SASS6: variants seen among roughly 807,000 people sequenced by gnomAD.
SASS6 encodes the protein spindle assembly abnormal protein 6 homolog.
SASS6 carries 59 observed loss-of-function variants against 94.9 expected under a neutral mutation model. The observed-to-expected ratio is 0.62, with a 90% CI of 0.50 to 0.77. SASS6 has a LOEUF of 0.77. Ranked by LOEUF, SASS6 falls within the 30% of genes least tolerant of loss-of-function variation. SASS6 has a pLI of 0.00. For synonymous variants in SASS6, 264 were observed against 270.0 expected (o/e 0.98, Z 0.22); for missense variants, 698 against 734.1 (o/e 0.95, Z 0.57).
chr1:100,099,565 G>A (rs1652318855), intron 14 of SASS6: 1 of 152,296 alleles, frequency 6.6e-6, no homozygotes, highest in Admixed American at 6.5e-5. Flanking sequence ...CTCTATGCTT[G>A]GGATAGGGGC....
chr1:100,105,945 GTT>G, intron 12 of SASS6, 42 bp from the exon 13 acceptor site: 2 of 1,338,114 alleles, frequency 1.5e-6, no homozygotes, highest in African/African-American at 3.0e-5. Context: ...AATATTGACT[GTT>G]TATTTTTCTA....
intron 5 of SASS6, among the ~76,000 whole-genome samples, chr1:100,121,033 G>A (rs1343457859): frequency 7.2e-6 from 1 of 139,714 alleles, no homozygotes; most frequent in Admixed American, 7.5e-5. Context: ...CTGGGCGACA[G>A]AGCGAGACTC....
intron 1 of SASS6, among the ~76,000 whole-genome samples, 198 bp from the exon 2 acceptor site, chr1:100,126,140 T>C (rs1224732510): frequency 5.3e-5 from 8 of 152,364 alleles, no homozygotes; most frequent in Non-Finnish European, 1.0e-4. Flanking sequence ...TAGCAGTGTT[T>C]AACCTAAAAC....
intron 6 of SASS6, 75 bp from the exon 7 acceptor site, chr1:100,119,212 AT>A: frequency 1.3e-6 from 1 of 774,388 alleles, no homozygotes; most frequent in Non-Finnish European, 1.9e-6. Context: ...ATATAGCAAT[AT>A]TTACAAGGAT....
chr1:100,132,604 G>A (rs1238922789), intron 1 of SASS6, 146 bp downstream of exon 1: 4 of 731,458 alleles, frequency 5.5e-6, no homozygotes, highest in South Asian at 1.4e-5. Context: ...GGTAACCACC[G>A]GGCCCTCTGG....
chr1:100,102,869 A>C, intron 14 of SASS6, 86 bp downstream of exon 14: 1 of 1,034,588 alleles, frequency 9.7e-7, no homozygotes, highest in Non-Finnish European at 1.5e-6. Context: ...CCAAAGAATA[A>C]ATGAACTTTT....
Position 100,132,863 on chromosome 1 carries a change from C to T in SASS6, c.-49G>A. On this transcript the variant is annotated 5_prime_UTR_variant, in exon 1 of 17. Transcript: ENST00000287482. ...GTGCAGAAAAGCCCAACAGGCCCGG[C>T]CCTCGGGATTAGCCTGAGAGGTCCG... 6.5e-7 allele frequency: 1 copy of T among 1,543,552 alleles called. No individual in the cohort carries two copies. Among genetic ancestry groups the T allele is most frequent in the East Asian group, 2.2e-5 (1 of 44,542 alleles).
chr1:100,119,176 C>T, intron 6 of SASS6, 39 bp from the exon 7 acceptor site: 2 of 1,172,474 alleles, frequency 1.7e-6, no homozygotes, highest in South Asian at 1.8e-5. Context: ...AGATAGGCTC[C>T]TTAATATGTA....
intron 5 of SASS6, 38 bp from the exon 6 acceptor site, chr1:100,120,497 G>T: frequency 2.2e-6 from 2 of 920,788 alleles, no homozygotes; most frequent in Non-Finnish European, 3.6e-6. Flanking sequence ...AGTTTACAAT[G>T]TAATCATCTA....
chr1:100,120,382 A>T lies in SASS6; in HGVS notation c.549+12T>A. ...TGGATGACTTACAAAGACAAAATGA[A>T]ATTTGAATTACCTTTCGTGTAAAGT... On this transcript the variant is annotated intron_variant, in intron 6 of 16. Coordinates refer to ENST00000287482, the MANE Select transcript of SASS6 (RefSeq NM_194292.3). 7.2e-7 allele frequency: 1 copy of T among 1,397,012 alleles called. No homozygotes were observed. Among genetic ancestry groups the T allele is most frequent in the Non-Finnish European group, 1.0e-6 (1 of 984,236 alleles). The allele number at this position is 1,397,012 out of a possible 1,614,324, so 86.5% of individuals were successfully genotyped here.
chr1:100,093,636 C>A (rs1651915218), intron 14 of SASS6, among the ~76,000 whole-genome samples: 1 of 151,988 alleles, frequency 6.6e-6, no homozygotes, highest in Non-Finnish European at 1.5e-5. Flanking sequence ...GTGGTGTGCA[C>A]CTGTAGTCCC....
At chr1:100,089,114 C>T (rs1215841918) in intron 14 of SASS6, among the ~76,000 whole-genome samples, 1 of 151,772 alleles carries the variant, frequency 6.6e-6, no homozygotes, top group Non-Finnish European at 1.5e-5. Context: ...ATAAAATAGT[C>T]AATATATAAA....
chr1:100,113,661 G>A (rs914997148), intron 7 of SASS6, among the ~76,000 whole-genome samples: 1 of 150,946 alleles, frequency 6.6e-6, no homozygotes, highest in Non-Finnish European at 1.5e-5. Context: ...AAAAGAAAAG[G>A]TAGTAAATAG....
In SASS6 at chr1:100,120,764, G is replaced by A. The variant is rs141679672; in HGVS notation, c.484-305C>T. ...ATATATCTTATCTCATTAAAGATGG[G>A]CTAGGGCCGGGCGCGGTGGCTCACG... On this transcript the variant is annotated intron_variant, in intron 5 of 16. Coordinates refer to ENST00000287482, the MANE Select transcript of SASS6 (RefSeq NM_194292.3). 1.1e-3 allele frequency among the ~76,000 whole-genome samples: 167 copies of A among 152,250 alleles called. 1 individual carries two copies. The East Asian group carries it at 0.028, about 26-fold the overall frequency.
chr1:100,113,101 T>C (rs932175310), intron 7 of SASS6, among the ~76,000 whole-genome samples: 1 of 152,124 alleles, frequency 6.6e-6, no homozygotes, highest in Non-Finnish European at 1.5e-5. Flanking sequence ...CTTGTTTCCA[T>C]GGACAATAGA....
chr1:100,092,779 T>G (rs6660765), intron 14 of SASS6, among the ~76,000 whole-genome samples: 20,446 of 151,966 alleles, frequency 0.13, 1,810 homozygotes, highest in African/African-American at 0.24. Flanking sequence ...GTTTCACTGC[T>G]TTAGCCAGGA....
chr1:100,117,868 A>C (rs1360934948), intron 7 of SASS6, among the ~76,000 whole-genome samples: 2 of 151,748 alleles, frequency 1.3e-5, no homozygotes, highest in Non-Finnish European at 2.9e-5. Flanking sequence ...AAAAAAAAAT[A>C]ACCACACAGA....
At chr1:100,095,186 C>T (rs1652028290) in intron 14 of SASS6, among the ~76,000 whole-genome samples, 1 of 152,162 alleles carries the variant, frequency 6.6e-6, no homozygotes, top group African/African-American at 2.4e-5. Flanking sequence ...AATGCTCTGC[C>T]CTGAAGCTCA....
At chr1:100,121,910 GAAAAGTTCTT>G (rs1654228676) in intron 4 of SASS6, among the ~76,000 whole-genome samples, 2 of 152,252 alleles carry the variant, frequency 1.3e-5, no homozygotes, top group South Asian at 4.2e-4. Context: ...AATTGCTGAG[GAAAAGTTCTT>G]CTTTATAGAA....
Sources: gnomAD v4.1 joint callset for allele counts (sites outside exome capture counted in the v4.1 genomes callset) on GRCh38, gnomAD v4.1.1 for gene constraint, MANE v1.5 for transcripts, NCBI Gene and HGNC (gene_info 2026-07-23, HGNC 2026-07-21) for gene names.